TRPC4: variants seen among roughly 807,000 people sequenced by gnomAD.
TRPC4 encodes the protein short transient receptor potential channel 4.
Under a neutral mutation model 99.4 loss-of-function variants are expected in TRPC4, and 49 were observed. That is an observed-to-expected ratio of 0.49 (90% CI 0.39 to 0.63). TRPC4 has a LOEUF of 0.63. Ranked by LOEUF, TRPC4 falls within the 20% of genes least tolerant of loss-of-function variation. The probability of loss-of-function intolerance (pLI) is 0.00; values close to 1 mark genes in which losing one functional copy is unlikely to be tolerated. For missense variants in TRPC4, 898 were observed against 1,152.9 expected, an observed-to-expected ratio of 0.78 and a Z score of 3.20; for synonymous variants, 454 against 425.9, an observed-to-expected ratio of 1.07 and a Z score of -0.81.
At chr13:37,676,287 AAGAG>A (rs1350793731) in intron 4 of TRPC4, among the ~76,000 whole-genome samples, 1 of 152,188 alleles carries the variant, frequency 6.6e-6, no homozygotes, top group East Asian at 1.9e-4. Flanking sequence ...AAAAGGAAAA[AAGAG>A]AGACATTTTG....
intron 1 of TRPC4, among the ~76,000 whole-genome samples, chr13:37,826,563 G>T (rs1435327279): frequency 3.3e-5 from 5 of 151,372 alleles, no homozygotes; most frequent in East Asian, 1.9e-4. Context: ...GAAATTCTGG[G>T]TTGAAAATTC....
rs191451920 is a variant in TRPC4 at position 37,636,352 on chromosome 13, T to C, written c.*551A>G. Among the ~76,000 whole-genome samples, 191 of 152,234 alleles carry C rather than the reference T, an allele frequency of 1.3e-3. 1 individual carries two copies. Among genetic ancestry groups the C allele is most frequent in the African/African-American group, 4.4e-3 (184 of 41,564 alleles). The stretch of plus-strand genomic sequence containing the variant: ...TTCTGAATTTGAGGGAGTTTAGATA[T>C]GACTCCATGAGAAGAAGACTTGTTT... On this transcript the variant is annotated 3_prime_UTR_variant, in exon 11 of 11. Transcript: ENST00000379705.
chr13:37,833,592 G>A (rs984681093), intron 1 of TRPC4, among the ~76,000 whole-genome samples: 1 of 152,018 alleles, frequency 6.6e-6, no homozygotes, highest in Non-Finnish European at 1.5e-5. Context: ...CTTGCCTTTG[G>A]GTCTAGAACA....
chr13:37,746,248 T>C lies in TRPC4; in HGVS notation c.586A>G (p.Arg196Gly). Residue 196 changes from arginine (R) to glycine (G), a missense_variant, in exon 3 of 11, where the codon AGA becomes GGA. Transcript: ENST00000379705. Reference protein sequence around the residue: ...DVDSLRHSRSRLNIYKALASP... With the variant: ...DVDSLRHSRSGLNIYKALASP... ...GCCAAGGCCTTGTAGATGTTGAGTC[T>C]GGAGCGTGAGTGACGGAGGCTGTCC... 2 of 1,613,838 alleles carry C rather than the reference T, an allele frequency of 1.2e-6. No individual in the cohort carries two copies. Among genetic ancestry groups the C allele is most frequent in the Non-Finnish European group, 1.7e-6 (2 of 1,179,870 alleles).
chr13:37,709,328 G>A (rs566089434), intron 3 of TRPC4, among the ~76,000 whole-genome samples: 1 of 152,074 alleles, frequency 6.6e-6, no homozygotes, highest in South Asian at 2.1e-4. Context: ...AAAACATCAT[G>A]AGGAAGTGTA....
chr13:37,755,930 T>C (rs1467696724), intron 2 of TRPC4, among the ~76,000 whole-genome samples: 1 of 152,116 alleles, frequency 6.6e-6, no homozygotes, highest in Non-Finnish European at 1.5e-5. Flanking sequence ...CCCTTGTGTT[T>C]AGCATCATTG....
intron 1 of TRPC4, among the ~76,000 whole-genome samples, chr13:37,846,742 A>G (rs1196066361): frequency 6.6e-6 from 1 of 152,122 alleles, no homozygotes; most frequent in East Asian, 1.9e-4. Flanking sequence ...AAATGGATTA[A>G]ATTCTTCAAT....
rs1956220549 is a variant in TRPC4, at chr13:37,761,471, C to A, written c.379-15016G>T. On this transcript the variant is annotated intron_variant, in intron 2 of 10. Coordinates refer to ENST00000379705, the MANE Select transcript of TRPC4 (RefSeq NM_016179.4). The stretch of plus-strand genomic sequence containing the variant: ...GAGAGTAGGAAAATGTCCGTTAAAT[C>A]CTGCCTCAACCATTTCTAGCTGTGA... Among the ~76,000 whole-genome samples, 3 of 151,838 alleles carry A rather than the reference C, an allele frequency of 2.0e-5. No individual in the cohort carries two copies. The South Asian group carries it at 6.2e-4, about 31-fold the overall frequency.
intron 4 of TRPC4, among the ~76,000 whole-genome samples, chr13:37,680,870 T>C (rs565457155): frequency 2.8e-4 from 42 of 152,356 alleles, no homozygotes; most frequent in Non-Finnish European, 5.0e-4. Flanking sequence ...TTCAGATTTG[T>C]ATGTATCATG....
chr13:37,766,653 A>G (rs1956378557), intron 2 of TRPC4, among the ~76,000 whole-genome samples: 1 of 151,400 alleles, frequency 6.6e-6, no homozygotes, highest in South Asian at 2.1e-4. Context: ...ATGCCTGGCT[A>G]TTATGATTGG....
intron 1 of TRPC4, among the ~76,000 whole-genome samples, chr13:37,848,294 TATCA>T (rs1229759461): frequency 1.3e-5 from 2 of 152,178 alleles, no homozygotes; most frequent in African/African-American, 2.4e-5. Flanking sequence ...AATTATGATT[TATCA>T]ATCAAAAATA....
chr13:37,866,460 A>G (rs1484940331), intron 1 of TRPC4, among the ~76,000 whole-genome samples: 3 of 148,866 alleles, frequency 2.0e-5, no homozygotes, highest in Non-Finnish European at 4.5e-5. Flanking sequence ...TACAGCACTT[A>G]ATTTGCTAAA....
intron 3 of TRPC4, among the ~76,000 whole-genome samples, chr13:37,695,151 CCTGA>C (rs1444555242): frequency 5.9e-5 from 9 of 151,988 alleles, no homozygotes; most frequent in Non-Finnish European, 8.8e-5. Flanking sequence ...TCCCTCCCTG[CCTGA>C]CTACCTCCCT....
intron 4 of TRPC4, among the ~76,000 whole-genome samples, chr13:37,686,991 G>A (rs1036549963): frequency 2.0e-5 from 3 of 151,578 alleles, no homozygotes; most frequent in Admixed American, 6.6e-5. Context: ...TTGAGATGGA[G>A]TCTTGCTCTG....
intron 1 of TRPC4, among the ~76,000 whole-genome samples, chr13:37,791,804 A>G (rs537976384): frequency 6.6e-6 from 1 of 152,266 alleles, no homozygotes; most frequent in South Asian, 2.1e-4. Flanking sequence ...ATAAAATGCT[A>G]GCTATGTGAA....
chr13:37,826,328 G>A (rs1243546937), intron 1 of TRPC4, among the ~76,000 whole-genome samples: 1 of 103,910 alleles, frequency 9.6e-6, no homozygotes, highest in African/African-American at 3.9e-5. Context: ...GATGTTAGCT[G>A]GTGATTTTGC....
chr13:37,716,942 C>T (rs1036802991), intron 3 of TRPC4, among the ~76,000 whole-genome samples: 7 of 149,802 alleles, frequency 4.7e-5, no homozygotes, highest in Admixed American at 2.0e-4. Context: ...CTGGTGGGGA[C>T]GGTGGTAAAA....
At chr13:37,793,866 G>A (rs1957181999) in intron 1 of TRPC4, among the ~76,000 whole-genome samples, 1 of 152,072 alleles carries the variant, frequency 6.6e-6, no homozygotes, top group African/African-American at 2.4e-5. Flanking sequence ...CCTCCTTCCA[G>A]GAACTTACGC....
At chr13:37,677,994 T>C (rs542404281) in intron 4 of TRPC4, among the ~76,000 whole-genome samples, 1 of 152,122 alleles carries the variant, frequency 6.6e-6, no homozygotes, top group Non-Finnish European at 1.5e-5. Flanking sequence ...TCCCCAAATA[T>C]TTTTCAACTA....
Sources: gnomAD v4.1 joint callset for allele counts (sites outside exome capture counted in the v4.1 genomes callset) on GRCh38, gnomAD v4.1.1 for gene constraint, MANE v1.5 for transcripts, NCBI Gene and HGNC (gene_info 2026-07-23, HGNC 2026-07-21) for gene names.